RAB5C: variants seen among roughly 807,000 people sequenced by gnomAD.
The protein encoded by RAB5C is ras-related protein Rab-5C.
RAB5C carries 4 observed loss-of-function variants against 25.2 expected under a neutral mutation model. That is an observed-to-expected ratio of 0.16 (90% confidence interval 0.08 to 0.36). The LOEUF is 0.36. Among genes scored for constraint, RAB5C ranks in the 10% least tolerant of loss-of-function variants. The pLI, the probability that RAB5C is intolerant of heterozygous loss-of-function variation, is 1.00. For synonymous variants in RAB5C, 100 were observed against 106.4 expected, an observed-to-expected ratio of 0.94 and a Z score of 0.37; for missense variants, 199 against 283.8, an observed-to-expected ratio of 0.70 and a Z score of 2.15.
intron 3 of RAB5C, 76 bp downstream of exon 3, chr17:42,128,573 T>G (rs1461978811): frequency 1.2e-5 from 13 of 1,128,012 alleles, no homozygotes; most frequent in Non-Finnish European, 1.5e-5. Flanking sequence ...CGGCCTGAAA[T>G]CAGGGCTCTG....
intron 1 of RAB5C, among the ~76,000 whole-genome samples, chr17:42,146,997 C>CAAGAAAGA (rs758677956): frequency 7.4e-6 from 1 of 134,668 alleles, no homozygotes; most frequent in African/African-American, 3.1e-5. Flanking sequence ...AAGACTTCGT[C>CAAGAAAGA]AAGAAAGAAA....
At chr17:42,153,804 AACCTG>A in intron 1 of RAB5C, among the ~76,000 whole-genome samples, 1 of 152,364 alleles carries the variant, frequency 6.6e-6, no homozygotes, top group Middle Eastern at 3.4e-3. Context: ...TGGTTGAGGG[AACCTG>A]CACTTTCTGG....
Position 42,128,391 on chromosome 17 carries a change from G to T in RAB5C, c.319-8C>A. 5.6e-6 allele frequency: 9 copies of T among 1,609,974 alleles called. No individual in the cohort carries two copies. The highest frequency in any genetic ancestry group is 7.6e-6 in the Non-Finnish European group (9 of 1,177,468). On this transcript the variant is annotated splice_polypyrimidine_tract_variant and splice_region_variant and intron_variant, in intron 3 of 5. Coordinates refer to ENST00000346213, the MANE Select transcript of RAB5C (RefSeq NM_004583.4). ...GGCCCGTGCAAATGTATCCTGAGGA[G>T]ACAGGGACAGAATGTCGAAGGGACA... is the stretch of plus-strand genomic sequence containing the variant.
At chr17:42,128,451 A>C in intron 3 of RAB5C, 68 bp from the exon 4 acceptor site, 4 of 1,531,166 alleles carry the variant, frequency 2.6e-6, no homozygotes, top group Non-Finnish European at 3.5e-6. Context: ...CCCATTAGAG[A>C]CTCTCAAGCT....
At chr17:42,127,698 T>C (rs2144060474) in intron 4 of RAB5C, among the ~76,000 whole-genome samples, 1 of 151,584 alleles carries the variant, frequency 6.6e-6, no homozygotes, top group East Asian at 2.0e-4. Context: ...CCCAGCTAAC[T>C]TTTGTATTTT....
chr17:42,151,153 C>T (rs1462259502), intron 1 of RAB5C, among the ~76,000 whole-genome samples: 1 of 152,014 alleles, frequency 6.6e-6, no homozygotes. Flanking sequence ...AGTAGAAGGT[C>T]TGGCCAGGCG....
chr17:42,146,757 A>T (rs2079637644), intron 1 of RAB5C, among the ~76,000 whole-genome samples: 1 of 151,134 alleles, frequency 6.6e-6, no homozygotes, highest in Non-Finnish European at 1.5e-5. Flanking sequence ...TCAAAAGAAA[A>T]AAAAAAAAGG....
At chr17:42,135,632 T>C (rs2054529058) in intron 1 of RAB5C, among the ~76,000 whole-genome samples, 1 of 152,166 alleles carries the variant, frequency 6.6e-6, no homozygotes, top group African/African-American at 2.4e-5. Flanking sequence ...TCCATGAATG[T>C]GGGAGGGGTC....
At chr17:42,135,720 A>G (rs1266064953) in intron 1 of RAB5C, among the ~76,000 whole-genome samples, 1 of 152,162 alleles carries the variant, frequency 6.6e-6, no homozygotes, top group Non-Finnish European at 1.5e-5. Flanking sequence ...CCTCCCTTTG[A>G]AAGTTTCACC....
Position 42,130,479 on chromosome 17 carries a change from T to C in RAB5C, c.24A>G (p.Ala8=), listed in dbSNP as rs750913164. Residue 8 remains alanine (A), a synonymous_variant, in exon 2 of 6, where the codon GCA becomes GCG. Coordinates refer to ENST00000346213, the MANE Select transcript of RAB5C (RefSeq NM_004583.4). ...TCCCAGCAGCTGGTCCATTGGGTCG[T>C]GCTGCGCCTCCCCGACCCGCCATTG... MAGRGGA[A]RPNGPAAGNK... The C allele has an allele frequency of 1.4e-5, 22 of 1,614,142 alleles. 1 individual carries two copies. Among genetic ancestry groups the C allele is most frequent in the East Asian group, 2.2e-5 (1 of 44,878 alleles).
At chr17:42,146,955 G>A (rs774263733) in intron 1 of RAB5C, among the ~76,000 whole-genome samples, 3 of 151,696 alleles carry the variant, frequency 2.0e-5, no homozygotes, top group Non-Finnish European at 4.4e-5. Flanking sequence ...AGCCGAGATC[G>A]TACCACTGCA....
intron 1 of RAB5C, among the ~76,000 whole-genome samples, chr17:42,140,503 ATATATATATATATTTTTT>A (rs1409162642): frequency 1.8e-4 from 9 of 50,624 alleles, no homozygotes; most frequent in South Asian, 6.7e-4. Flanking sequence ...ATATATATAT[ATATATATATATATTTTTT>A]TTTTTTTTTT....
At chr17:42,149,982 G>T (rs1460930893) in intron 1 of RAB5C, among the ~76,000 whole-genome samples, 1 of 149,448 alleles carries the variant, frequency 6.7e-6, no homozygotes, top group African/African-American at 2.5e-5. Context: ...AGGTTGAACT[G>T]CCTCCCAGGT....
chr17:42,140,665 A>G (rs966403125), intron 1 of RAB5C, among the ~76,000 whole-genome samples: 1 of 151,374 alleles, frequency 6.6e-6, no homozygotes, highest in East Asian at 1.9e-4. Flanking sequence ...CTGGGATTCC[A>G]GGTGTGCACC....
chr17:42,131,326 C>T (rs905988836), intron 1 of RAB5C, among the ~76,000 whole-genome samples: 2 of 152,026 alleles, frequency 1.3e-5, no homozygotes, highest in Non-Finnish European at 2.9e-5. Flanking sequence ...AAGTCTCGCA[C>T]CCATTAAAAA....
At chr17:42,140,170 T>G (rs975441575) in intron 1 of RAB5C, among the ~76,000 whole-genome samples, 3 of 152,088 alleles carry the variant, frequency 2.0e-5, no homozygotes, top group Non-Finnish European at 4.4e-5. Context: ...CACCTGTTCA[T>G]CCAGCCACTC....
chr17:42,136,260 T>C (rs9912088), intron 1 of RAB5C: 54,010 of 152,048 alleles, frequency 0.36, 12,934 homozygotes, highest in African/African-American at 0.69. Flanking sequence ...GGGGAGATGA[T>C]TTACCCATAG....
rs1195605625 is a variant in RAB5C at position 42,128,267 on chromosome 17, T to G, written c.435A>C (p.Glu145Asp). The G allele has an allele frequency of 6.2e-7, 1 of 1,613,230 alleles. No individual in the cohort carries two copies. ...AAGTCTGTCATCTCCCCACCTGGAATTCCACGGCTCTCTTGCTGGCCAGGT... is the reference window on the plus strand; with the variant it reads ...AAGTCTGTCATCTCCCCACCTGGAAGTCCACGGCTCTCTTGCTGGCCAGGT... ...KADLASKRAVEFQEAQAYADD... is the reference protein window; with the variant it reads ...KADLASKRAVDFQEAQAYADD... The change falls in exon 4 of 6, where the codon GAA becomes GAC. Residue 145 changes from glutamate (E) to aspartate (D), a missense_variant. Glu to Asp is a conservative substitution (Grantham distance 45, BLOSUM62 2). Transcript: ENST00000346213.
intron 1 of RAB5C, among the ~76,000 whole-genome samples, chr17:42,138,705 A>G (rs781245637): frequency 2.0e-5 from 3 of 152,168 alleles, no homozygotes; most frequent in Non-Finnish European, 4.4e-5. Flanking sequence ...CCAGAGCCCC[A>G]AGTGCAGACA....
Sources: gnomAD v4.1 joint callset for allele counts (sites outside exome capture counted in the v4.1 genomes callset) on GRCh38, gnomAD v4.1.1 for gene constraint, MANE v1.5 for transcripts, NCBI Gene and HGNC (gene_info 2026-07-23, HGNC 2026-07-21) for gene names.